CAMKMT: variants seen among roughly 807,000 people sequenced by gnomAD.
The protein encoded by CAMKMT is CaM KMT.
CAMKMT carries 53 observed loss-of-function variants against 48.0 expected under a neutral mutation model. That is an observed-to-expected ratio of 1.10 (90% CI 0.89 to 1.39). The LOEUF (loss-of-function observed/expected upper bound fraction) is 1.39, where lower values mean the gene tolerates loss of function less well. Ranked by LOEUF, CAMKMT falls within the 40% of genes most tolerant of loss-of-function variation. The pLI is 0.00. For missense variants in CAMKMT, 428 were observed against 402.7 expected (o/e 1.06, Z -0.54); for synonymous variants, 165 against 152.3 (o/e 1.08, Z -0.61).
chr2:44,646,459 C>A (rs1018198027), intron 3 of CAMKMT, among the ~76,000 whole-genome samples: 2 of 152,048 alleles, frequency 1.3e-5, no homozygotes, highest in Admixed American at 1.3e-4. Context: ...AAACTTCTTA[C>A]AATTCCATCC....
chr2:44,595,238 G>A (rs1324548623), intron 3 of CAMKMT, among the ~76,000 whole-genome samples: 2 of 151,626 alleles, frequency 1.3e-5, no homozygotes, highest in East Asian at 3.9e-4. Flanking sequence ...GTGGAAGACA[G>A]TGTGGCAATT....
chr2:44,480,264 C>A (rs1668899330), intron 3 of CAMKMT, among the ~76,000 whole-genome samples: 1 of 152,116 alleles, frequency 6.6e-6, no homozygotes, highest in Admixed American at 6.5e-5. Context: ...TTTGCCACTC[C>A]CAAGCAGCAG....
intron 3 of CAMKMT, among the ~76,000 whole-genome samples, chr2:44,642,656 T>G (rs1457529414): frequency 3.3e-5 from 5 of 152,092 alleles, no homozygotes; most frequent in Non-Finnish European, 1.5e-5. Context: ...TGAGATAAGG[T>G]GTGCCCTGGC....
At chr2:44,410,559 A>G (rs1234659192) in intron 3 of CAMKMT, among the ~76,000 whole-genome samples, 1 of 152,078 alleles carries the variant, frequency 6.6e-6, no homozygotes, top group Non-Finnish European at 1.5e-5. Flanking sequence ...ATTGAGAGGT[A>G]CAATCAACCC....
intron 3 of CAMKMT, among the ~76,000 whole-genome samples, chr2:44,679,940 T>A (rs185240736): frequency 1.3e-5 from 2 of 152,242 alleles, no homozygotes; most frequent in African/African-American, 4.8e-5. Context: ...TCTAAAAATT[T>A]GAAGGACTTC....
intron 3 of CAMKMT, among the ~76,000 whole-genome samples, chr2:44,410,085 T>G (rs1170025121): frequency 6.6e-6 from 1 of 151,582 alleles, no homozygotes; most frequent in East Asian, 1.9e-4. Context: ...ATGGTTTTTA[T>G]ATATCTGTAG....
intron 3 of CAMKMT, among the ~76,000 whole-genome samples, chr2:44,442,389 TAC>T (rs1666722146): frequency 6.6e-6 from 1 of 152,190 alleles, no homozygotes; most frequent in East Asian, 1.9e-4. Context: ...CATGTTCGTA[TAC>T]ATATTTTACA....
At chr2:44,391,120 T>C (rs577544090) in intron 3 of CAMKMT, among the ~76,000 whole-genome samples, 1 of 152,342 alleles carries the variant, frequency 6.6e-6, no homozygotes, top group South Asian at 2.1e-4. Flanking sequence ...AACTTTTGGC[T>C]GAATTTAGGT....
intron 3 of CAMKMT, among the ~76,000 whole-genome samples, chr2:44,523,527 G>A (rs2603255): frequency 2.7e-5 from 4 of 150,550 alleles, no homozygotes; most frequent in African/African-American, 4.9e-5. Context: ...ACTCCTGACC[G>A]CAGGTGATCC....
intron 9 of CAMKMT, among the ~76,000 whole-genome samples, chr2:44,758,477 C>T (rs1222887681): frequency 6.6e-6 from 1 of 152,124 alleles, no homozygotes; most frequent in African/African-American, 2.4e-5. Context: ...TTTGTTACCA[C>T]CTGAAATGCA....
chr2:44,606,734 A>G (rs531639291), intron 3 of CAMKMT, among the ~76,000 whole-genome samples: 3 of 152,318 alleles, frequency 2.0e-5, no homozygotes, highest in African/African-American at 7.2e-5. Context: ...TTCAGAATAT[A>G]AACAAAGTGC....
chr2:44,686,711 G>A (rs943164310), intron 3 of CAMKMT, among the ~76,000 whole-genome samples: 2 of 152,134 alleles, frequency 1.3e-5, no homozygotes, highest in African/African-American at 4.8e-5. Flanking sequence ...GGAAATGAAC[G>A]CTCATTGGAG....
intron 3 of CAMKMT, among the ~76,000 whole-genome samples, chr2:44,692,531 T>C (rs754356814): frequency 1.3e-5 from 2 of 152,374 alleles, no homozygotes; most frequent in South Asian, 4.1e-4. Context: ...ATGAAAGTTA[T>C]TTAGGCAAAG....
At chr2:44,699,890 T>C (rs1286798901) in intron 3 of CAMKMT, among the ~76,000 whole-genome samples, 1 of 152,336 alleles carries the variant, frequency 6.6e-6, no homozygotes. Flanking sequence ...CTTTGGATCT[T>C]TGAAGCCAGG....
At chr2:44,547,761 T>C (rs533067937) in intron 3 of CAMKMT, among the ~76,000 whole-genome samples, 2 of 152,324 alleles carry the variant, frequency 1.3e-5, no homozygotes, top group South Asian at 4.1e-4. Context: ...CGAGCTTATG[T>C]AATATATCTG....
At chr2:44,719,605 T>G (rs909405434) in intron 7 of CAMKMT, among the ~76,000 whole-genome samples, 2 of 152,180 alleles carry the variant, frequency 1.3e-5, no homozygotes, top group African/African-American at 4.8e-5. Flanking sequence ...GCTTTTAAAA[T>G]TGGTATTTAG....
chr2:44,724,571 G>C (rs932106421), intron 7 of CAMKMT, among the ~76,000 whole-genome samples: 2 of 152,156 alleles, frequency 1.3e-5, no homozygotes, highest in African/African-American at 2.4e-5. Flanking sequence ...TCCCTGGATT[G>C]TTGCTCAGAT....
intron 3 of CAMKMT, among the ~76,000 whole-genome samples, chr2:44,513,676 G>T (rs921556614): frequency 5.9e-5 from 9 of 152,220 alleles, no homozygotes; most frequent in Non-Finnish European, 1.2e-4. Context: ...TTCCCTTCTT[G>T]GGTAGGAGCA....
chr2:44,388,962 C>T lies in CAMKMT; in HGVS notation c.312-1279C>T, dbSNP rs1681047075. ...GGTTCTTAGCTTTGGTGGTTTAATG[C>T]TCTCTTTTTGTGCTGGTTGACCTCC... On this transcript the variant is annotated intron_variant, in intron 2 of 10. Transcript: ENST00000378494. Among the ~76,000 whole-genome samples, 6 of 152,260 alleles carry T rather than the reference C, an allele frequency of 3.9e-5. No homozygotes were observed. The South Asian group carries it at 1.2e-3, about 32-fold the overall frequency.
Sources: allele counts gnomAD v4.1 joint callset (sites outside exome capture counted in the v4.1 genomes callset), GRCh38; gene constraint gnomAD v4.1.1; transcripts MANE v1.5; gene names NCBI Gene and HGNC (gene_info 2026-07-23, HGNC 2026-07-21).